Variants in ABL2 observed in about 807,000 individuals in gnomAD.
ABL2 encodes tyrosine-protein kinase ABL2.
Under a neutral mutation model 107.7 loss-of-function variants are expected in ABL2, and 49 were observed. The observed-to-expected ratio is 0.45, with a 90% CI of 0.36 to 0.58. The LOEUF is 0.58. Ranked by LOEUF, ABL2 falls within the 20% of genes least tolerant of loss-of-function variation. ABL2 has a pLI of 0.00. For synonymous variants in ABL2, 549 were observed against 548.6 expected, an observed-to-expected ratio of 1.00 and a Z score of -0.01; for missense variants, 1,245 against 1,457.0, an observed-to-expected ratio of 0.85 and a Z score of 2.37.
rs1219276355 is a variant in ABL2, at chr1:179,099,614, T to C, written c.*8104A>G. The C allele has an allele frequency of 8.7e-6, 2 of 230,760 alleles. No individual in the cohort carries two copies. The highest frequency in any genetic ancestry group is 4.4e-5 in the African/African-American group (2 of 45,220). 14.3% of individuals were successfully genotyped at this position (230,760 alleles called of 1,614,324 possible). On this transcript the variant is annotated 3_prime_UTR_variant, in exon 12 of 12. Transcript: ENST00000502732. Reference sequence around the variant, plus strand: ...CCCACATTGTCTCACTATGTCCCCTTAGCAATGCACACAGTGCCCGATGCT... The same window carrying C: ...CCCACATTGTCTCACTATGTCCCCTCAGCAATGCACACAGTGCCCGATGCT...
At chr1:179,159,683 T>C (rs749906205) in intron 1 of ABL2, among the ~76,000 whole-genome samples, 9 of 152,232 alleles carry the variant, frequency 5.9e-5, no homozygotes, top group Non-Finnish European at 8.8e-5. Flanking sequence ...TACAGAATTT[T>C]ATTAATCTCT....
At chr1:179,207,802 AGACT>A (rs1349739696) in intron 1 of ABL2, among the ~76,000 whole-genome samples, 12 of 152,220 alleles carry the variant, frequency 7.9e-5, no homozygotes, top group African/African-American at 2.9e-4. Context: ...AAACCCACAC[AGACT>A]GACACCAGAG....
intron 1 of ABL2, among the ~76,000 whole-genome samples, chr1:179,227,500 T>TG (rs200948907): frequency 0.022 from 3,340 of 152,312 alleles, 65 homozygotes; most frequent in Middle Eastern, 0.054. Context: ...CCATTCTTCA[T>TG]GACTTCCTCT....
chr1:179,178,401 C>CAAAAAAAAAAAAAAAAAAAAAAAAA lies in ABL2; in HGVS notation c.158-45028_158-45027insTTTTTTTTTTTTTTTTTTTTTTTTT, dbSNP rs572438530. 6.1e-4 allele frequency among the ~76,000 whole-genome samples: 42 copies of CAAAAAAAAAAAAAAAAAAAAAAAAA among 68,634 alleles called. 7 individuals carry two copies. Among genetic ancestry groups the CAAAAAAAAAAAAAAAAAAAAAAAAA allele is most frequent in the Non-Finnish European group, 9.1e-4 (32 of 35,214 alleles). 45.0% of individuals were successfully genotyped at this position (68,634 alleles called of 152,430 possible). A position where few individuals can be genotyped will look rare whatever the true frequency, so the allele number is the denominator to read the frequency against. Reference sequence around the variant, plus strand: ...TGGGTGACAGAGCAAGACTCTGCCTCAAAAAAAAAAAAAAAAAAATTATTT... The same window carrying CAAAAAAAAAAAAAAAAAAAAAAAAA: ...TGGGTGACAGAGCAAGACTCTGCCTCAAAAAAAAAAAAAAAAAAAAAAAAAAAAAAAAAAAAAAAAAAAATTATTT... On this transcript the variant is annotated intron_variant, in intron 1 of 11. Transcript: ENST00000502732.
chr1:179,200,527 CA>C (rs1661606176), intron 1 of ABL2, among the ~76,000 whole-genome samples: 1 of 152,118 alleles, frequency 6.6e-6, no homozygotes, highest in Non-Finnish European at 1.5e-5. Context: ...TTCTCTCCTT[CA>C]GATCCCAAAC....
intron 3 of ABL2, among the ~76,000 whole-genome samples, chr1:179,130,875 T>C (rs1656246797): frequency 6.6e-6 from 1 of 152,034 alleles, no homozygotes; most frequent in Non-Finnish European, 1.5e-5. Context: ...CTGCCTAAGC[T>C]TATTCTTACC....
intron 1 of ABL2, among the ~76,000 whole-genome samples, chr1:179,187,674 T>C (rs1660751282): frequency 6.6e-6 from 1 of 152,220 alleles, no homozygotes; most frequent in Non-Finnish European, 1.5e-5. Flanking sequence ...TAAATGTTCA[T>C]TATGAATTCA....
chr1:179,208,786 T>C (rs1662115481), intron 1 of ABL2, among the ~76,000 whole-genome samples: 1 of 152,208 alleles, frequency 6.6e-6, no homozygotes, highest in African/African-American at 2.4e-5. Flanking sequence ...AAGCACCCAA[T>C]CCCTAAACCA....
chr1:179,140,262 T>C (rs1657451900), intron 1 of ABL2, among the ~76,000 whole-genome samples: 1 of 152,216 alleles, frequency 6.6e-6, no homozygotes, highest in African/African-American at 2.4e-5. Flanking sequence ...GGCACACTTC[T>C]GCCTCAGGAC....
At chr1:179,120,338 T>C in intron 5 of ABL2, 64 bp from the exon 6 acceptor site, 2 of 1,024,858 alleles carry the variant, frequency 2.0e-6, no homozygotes, top group South Asian at 1.5e-5. Flanking sequence ...TTAAAATCAT[T>C]TCATTCATCT....
At chr1:179,198,617 AG>A (rs1313756730) in intron 1 of ABL2, among the ~76,000 whole-genome samples, 5 of 126,786 alleles carry the variant, frequency 3.9e-5, no homozygotes, top group Non-Finnish European at 6.3e-5. Context: ...TGCTGGAACC[AG>A]GGGGGCAGAG....
At chr1:179,122,033 C>G (rs1328610881) in intron 4 of ABL2, among the ~76,000 whole-genome samples, 166 bp from the exon 5 acceptor site, 1 of 144,386 alleles carries the variant, frequency 6.9e-6, no homozygotes, top group African/African-American at 2.6e-5. Flanking sequence ...TCACGCCATT[C>G]TCCTGCCTCA....
At chr1:179,182,686 T>C (rs1217620706) in intron 1 of ABL2, among the ~76,000 whole-genome samples, 1 of 152,236 alleles carries the variant, frequency 6.6e-6, no homozygotes, top group East Asian at 1.9e-4. Flanking sequence ...TAGACACTCA[T>C]AAACCTTTTA....
chr1:179,172,577 T>G (rs1659783597), intron 1 of ABL2, among the ~76,000 whole-genome samples: 1 of 152,140 alleles, frequency 6.6e-6, no homozygotes, highest in Non-Finnish European at 1.5e-5. Flanking sequence ...GATGTTAATA[T>G]AGAAAAAATG....
At chr1:179,210,344 A>AC (rs1481039774) in intron 1 of ABL2, among the ~76,000 whole-genome samples, 21 of 151,630 alleles carry the variant, frequency 1.4e-4, no homozygotes, top group East Asian at 2.0e-4. Flanking sequence ...CACCTCTACC[A>AC]AAAATACAAA....
At chr1:179,133,468 C>T in intron 1 of ABL2, 94 bp from the exon 2 acceptor site, 1 of 1,599,430 alleles carries the variant, frequency 6.3e-7, no homozygotes, top group Non-Finnish European at 8.6e-7. Context: ...CATTCAAAGG[C>T]CTTTCATGAT....
intron 1 of ABL2, among the ~76,000 whole-genome samples, chr1:179,191,413 C>T (rs796663118): frequency 1.3e-4 from 10 of 77,188 alleles, no homozygotes; most frequent in Admixed American, 9.7e-4. Context: ...TATGAAATCC[C>T]TTTTTTTTTT....
At chr1:179,210,192 T>A (rs1485134197) in intron 1 of ABL2, among the ~76,000 whole-genome samples, 1 of 151,792 alleles carries the variant, frequency 6.6e-6, no homozygotes, top group African/African-American at 2.4e-5. Context: ...ATACTTTAAA[T>A]GAGAAAAAAA....
At chr1:179,172,976 G>C (rs779947094) in intron 1 of ABL2, among the ~76,000 whole-genome samples, 1 of 152,126 alleles carries the variant, frequency 6.6e-6, no homozygotes, top group Non-Finnish European at 1.5e-5. Flanking sequence ...GATCACTTGA[G>C]GCCAGGAGTT....
Sources: allele counts gnomAD v4.1 joint callset (sites outside exome capture counted in the v4.1 genomes callset), GRCh38; gene constraint gnomAD v4.1.1; transcripts MANE v1.5; gene names NCBI Gene and HGNC (gene_info 2026-07-23, HGNC 2026-07-21).